Variants in CENPW observed in about 807,000 individuals in gnomAD.
CENPW encodes centromere protein W.
In CENPW, 3 loss-of-function variants were observed where a neutral mutation model predicts 11.1. The ratio of observed to expected loss-of-function variants is 0.27; its 90% confidence interval spans 0.12 to 0.70. The LOEUF (loss-of-function observed/expected upper bound fraction) is 0.70, where lower values mean the gene tolerates loss of function less well. Among genes scored for constraint, CENPW ranks in the 30% least tolerant of loss-of-function variants. CENPW has a pLI of 0.77. For synonymous variants in CENPW, 38 were observed against 42.0 expected (o/e 0.91, Z 0.37); for missense variants, 100 against 105.6 (o/e 0.95, Z 0.23).
the CENPW span, among the ~76,000 whole-genome samples, chr6:126,450,270 G>A: frequency 6.6e-6 from 1 of 151,082 alleles, no homozygotes; most frequent in Non-Finnish European, 1.5e-5. Flanking sequence ...TTGTTAAAAT[G>A]TAAATGTGTA....
chr6:126,400,469 T>C, the CENPW span, among the ~76,000 whole-genome samples: 3 of 152,206 alleles, frequency 2.0e-5, no homozygotes, highest in African/African-American at 4.8e-5. Context: ...TTATCATATA[T>C]ACATCTGTGT....
At chr6:126,417,588 G>C in the CENPW span, among the ~76,000 whole-genome samples, 1 of 152,140 alleles carries the variant, frequency 6.6e-6, no homozygotes, top group Non-Finnish European at 1.5e-5. Context: ...TCTTATGATA[G>C]TGAATAAGTC....
chr6:126,372,159 C>G, the CENPW span, among the ~76,000 whole-genome samples: 3 of 151,628 alleles, frequency 2.0e-5, no homozygotes, highest in Middle Eastern at 3.4e-3. Context: ...TTCTCTAGTT[C>G]CTTGAGATGT....
At chr6:126,467,527 A>G in the CENPW span, among the ~76,000 whole-genome samples, 1 of 152,204 alleles carries the variant, frequency 6.6e-6, no homozygotes, top group African/African-American at 2.4e-5. Flanking sequence ...CCTACTGAAA[A>G]AGCTTCCAAT....
At chr6:126,444,269 G>A in the CENPW span, among the ~76,000 whole-genome samples, 1 of 150,480 alleles carries the variant, frequency 6.6e-6, no homozygotes, top group African/African-American at 2.4e-5. Flanking sequence ...ATTTTGGTCT[G>A]GATTCTATTC....
At chr6:126,472,373 T>C in the CENPW span, among the ~76,000 whole-genome samples, 1 of 152,196 alleles carries the variant, frequency 6.6e-6, no homozygotes, top group South Asian at 2.1e-4. Context: ...TAGATGAAAT[T>C]GCATTTTCCA....
the CENPW span, among the ~76,000 whole-genome samples, chr6:126,414,599 C>T: frequency 6.6e-6 from 1 of 151,838 alleles, no homozygotes; most frequent in Non-Finnish European, 1.5e-5. Context: ...TTTCTTAAAA[C>T]GACTAAACCT....
chr6:126,385,974 A>T, the CENPW span, among the ~76,000 whole-genome samples: 1 of 152,132 alleles, frequency 6.6e-6, no homozygotes, highest in Non-Finnish European at 1.5e-5. Flanking sequence ...AAACTTTCAG[A>T]TAACTAGAAT....
chr6:126,453,275 T>C, the CENPW span, among the ~76,000 whole-genome samples: 4 of 150,898 alleles, frequency 2.7e-5, no homozygotes, highest in Non-Finnish European at 4.5e-5. Flanking sequence ...TCCCCAAGGC[T>C]GAAATGAAGG....
chr6:126,436,367 T>C, the CENPW span, among the ~76,000 whole-genome samples: 13 of 151,924 alleles, frequency 8.6e-5, no homozygotes, highest in African/African-American at 3.1e-4. Context: ...TACATGATGA[T>C]AAAAGAAAAT....
chr6:126,411,322 G>T, the CENPW span, among the ~76,000 whole-genome samples: 1 of 152,164 alleles, frequency 6.6e-6, no homozygotes, highest in Non-Finnish European at 1.5e-5. Flanking sequence ...GTTTGTTAAT[G>T]CCCTGGATGT....
chr6:126,396,450 G>C, the CENPW span, among the ~76,000 whole-genome samples: 1 of 152,140 alleles, frequency 6.6e-6, no homozygotes, highest in African/African-American at 2.4e-5. Context: ...TCAAGGTTGA[G>C]AGCTTCCCTC....
the CENPW span, among the ~76,000 whole-genome samples, chr6:126,407,860 A>G: frequency 2.6e-5 from 4 of 152,304 alleles, no homozygotes; most frequent in African/African-American, 7.2e-5. Context: ...GATTGTAAAT[A>G]TTCTTTCCCA....
chr6:126,398,777 G>C, the CENPW span, among the ~76,000 whole-genome samples: 7 of 151,496 alleles, frequency 4.6e-5, no homozygotes, highest in Admixed American at 4.0e-4. Context: ...ATTAAGCATA[G>C]TACCCAATAT....
chr6:126,340,156 T>C lies in CENPW; in HGVS notation c.-118T>C. On this transcript the variant is annotated 5_prime_UTR_variant, in exon 1 of 3. Coordinates refer to ENST00000368328, the MANE Select transcript of CENPW (RefSeq NM_001012507.4). ...ATTCGAACGTTCGGACTGAGGTTTT[T>C]CTGCCTGAAGAAGCGTCATACGGAC... The C allele has an allele frequency of 1.0e-6, 1 of 955,650 alleles. No individual in the cohort carries two copies. Among genetic ancestry groups the C allele is most frequent in the Non-Finnish European group, 1.6e-6 (1 of 621,508 alleles). The allele number at this position is 955,650 out of a possible 1,614,324, so 59.2% of individuals were successfully genotyped here.
At chr6:126,465,801 GTTAATA>G in the CENPW span, among the ~76,000 whole-genome samples, 1 of 152,130 alleles carries the variant, frequency 6.6e-6, no homozygotes, top group East Asian at 1.9e-4. Flanking sequence ...CTGGAAAATT[GTTAATA>G]TTAGTGGTGA....
the CENPW span, among the ~76,000 whole-genome samples, chr6:126,425,326 T>C: frequency 6.6e-6 from 1 of 152,132 alleles, no homozygotes; most frequent in African/African-American, 2.4e-5. Flanking sequence ...CCTTCTGTAG[T>C]GAAATCACCC....
chr6:126,362,440 G>A, the CENPW span, among the ~76,000 whole-genome samples: 2 of 152,072 alleles, frequency 1.3e-5, no homozygotes, highest in Non-Finnish European at 2.9e-5. Flanking sequence ...GAGCTGTTTG[G>A]TGCACCCAAT....
the CENPW span, among the ~76,000 whole-genome samples, chr6:126,363,190 C>G: frequency 6.6e-6 from 1 of 152,028 alleles, no homozygotes; most frequent in Admixed American, 6.6e-5. Flanking sequence ...AAAAGTGGTT[C>G]GTATTCAGAT....
Sources: gnomAD v4.1 joint callset for allele counts (sites outside exome capture counted in the v4.1 genomes callset) on GRCh38, gnomAD v4.1.1 for gene constraint, MANE v1.5 for transcripts, NCBI Gene and HGNC (gene_info 2026-07-23, HGNC 2026-07-21) for gene names.